The following GABPB1 variants were observed in gnomAD, a reference collection of about 807,000 sequenced individuals.
The protein encoded by GABPB1 is GA binding protein transcription factor subunit beta 1.
In GABPB1, 15 loss-of-function variants were observed where a neutral mutation model predicts 45.9. The observed-to-expected ratio is 0.33, with a 90% CI of 0.22 to 0.50. The LOEUF (loss-of-function observed/expected upper bound fraction) is 0.50. Ranked by LOEUF, GABPB1 falls within the 20% of genes least tolerant of loss-of-function variation. The pLI is 0.98. For missense variants in GABPB1, 252 were observed against 457.5 expected (o/e 0.55, Z 4.10); for synonymous variants, 143 against 154.4 (o/e 0.93, Z 0.55).
intron 6 of GABPB1, among the ~76,000 whole-genome samples, chr15:50,289,888 C>A (rs2046293919): frequency 6.6e-6 from 1 of 151,978 alleles, no homozygotes; most frequent in Admixed American, 6.6e-5. Context: ...CCTCTTGAAT[C>A]AGCCTCCCAA....
At chr15:50,289,070 T>C (rs1184328553) in intron 7 of GABPB1, among the ~76,000 whole-genome samples, 1 of 152,186 alleles carries the variant, frequency 6.6e-6, no homozygotes, top group South Asian at 2.1e-4. Flanking sequence ...CTTTTTCTTA[T>C]ATGGTATTTT....
rs2046814839 is a variant in GABPB1, at chr15:50,303,088, C to T, written c.312G>A (p.Lys104=). 6.2e-7 allele frequency: 1 copy of T among 1,613,070 alleles called. No homozygotes were observed. The highest frequency in any genetic ancestry group is 8.5e-7 in the Non-Finnish European group (1 of 1,179,806). The part of the protein sequence containing the change: ...GADVNAKDML[K]MTALHWATEH... ...CTGTGGCCCAATGGAGAGCTGTCAT[C>T]TTTAACATGTCCTTTGCATTGACAT... The change falls in exon 4 of 9, where the codon AAG becomes AAA. Residue 104 remains lysine (K), a synonymous_variant. Coordinates refer to ENST00000380877, the MANE Select transcript of GABPB1 (RefSeq NM_016654.5).
intron 1 of GABPB1, among the ~76,000 whole-genome samples, chr15:50,335,302 C>G (rs1009366198): frequency 1.3e-5 from 2 of 152,074 alleles, no homozygotes; most frequent in Admixed American, 1.3e-4. Flanking sequence ...TATATGGAGC[C>G]CAAGCCTAAT....
chr15:50,321,365 C>T (rs1044784042), intron 1 of GABPB1, among the ~76,000 whole-genome samples: 10 of 152,106 alleles, frequency 6.6e-5, no homozygotes, highest in Non-Finnish European at 1.2e-4. Context: ...CTAGATCTTC[C>T]AAAAGTCAAG....
At chr15:50,345,675 G>C (rs948254866) in intron 1 of GABPB1, among the ~76,000 whole-genome samples, 1 of 151,962 alleles carries the variant, frequency 6.6e-6, no homozygotes, top group Non-Finnish European at 1.5e-5. Context: ...CATCAAAATT[G>C]ATTTTTTTTC....
Position 50,350,248 on chromosome 15 carries a change from TTTC to T in GABPB1, c.-1+4734_-1+4736del, listed in dbSNP as rs950654560. The stretch of plus-strand genomic sequence containing the variant: ...CAGGTACCTTGAGCAAGCAACCTCA[TTTC>T]TCTATGCCTGTTTTTTCTTCTGAAA... On this transcript the variant is annotated intron_variant, in intron 1 of 8. Transcript: ENST00000380877. 19 of 151,622 alleles carry T rather than the reference TTTC, an allele frequency of 1.3e-4. 1 individual carries two copies. The highest frequency in any genetic ancestry group is 4.1e-4 in the African/African-American group (17 of 41,266). 9.4% of individuals were successfully genotyped at this position (151,622 alleles called of 1,614,324 possible).
At chr15:50,329,002 T>C (rs2047865004) in intron 1 of GABPB1, among the ~76,000 whole-genome samples, 1 of 152,228 alleles carries the variant, frequency 6.6e-6, no homozygotes, top group African/African-American at 2.4e-5. Context: ...TTATTCTCCT[T>C]ATTTCTTCTG....
At chr15:50,282,254 A>G (rs1275065602) in intron 8 of GABPB1, 1 of 453,990 alleles carries the variant, frequency 2.2e-6, no homozygotes. Flanking sequence ...CACTAATTTA[A>G]AAAAAGAGAG....
At chr15:50,278,875 A>AG (rs2045892649) in intron 8 of GABPB1, 91 bp from the exon 9 acceptor site, 1 of 1,008,782 alleles carries the variant, frequency 9.9e-7, no homozygotes, top group Non-Finnish European at 1.4e-6. Flanking sequence ...AAAAAAAAAA[A>AG]CCGTAGTAGC....
chr15:50,313,550 T>C (rs1356098838), intron 1 of GABPB1, among the ~76,000 whole-genome samples: 2 of 152,082 alleles, frequency 1.3e-5, no homozygotes, highest in Admixed American at 1.3e-4. Context: ...AGATTATATA[T>C]GCATACACAT....
intron 1 of GABPB1, 124 bp from the exon 2 acceptor site, chr15:50,309,922 G>T: frequency 9.1e-6 from 5 of 547,850 alleles, no homozygotes; most frequent in Non-Finnish European, 1.6e-5. Context: ...AGTGTGCTAT[G>T]GTTAATTTAA....
chr15:50,326,895 GAATACGCTTTCCTTCTA>G (rs1312548525), intron 1 of GABPB1, among the ~76,000 whole-genome samples: 1 of 151,934 alleles, frequency 6.6e-6, no homozygotes, highest in Non-Finnish European at 1.5e-5. Flanking sequence ...TTATGGTGCT[GAATACGCTTTCCTTCTA>G]AAAACCATAC....
intron 1 of GABPB1, among the ~76,000 whole-genome samples, chr15:50,322,478 G>C (rs1262571156): frequency 6.6e-6 from 1 of 151,900 alleles, no homozygotes; most frequent in Middle Eastern, 3.2e-3. Flanking sequence ...TCAAGGAGAT[G>C]GAGGTTGCAG....
intron 1 of GABPB1, among the ~76,000 whole-genome samples, chr15:50,334,267 C>G (rs1427596842): frequency 1.3e-5 from 2 of 151,616 alleles, no homozygotes; most frequent in Non-Finnish European, 2.9e-5. Context: ...TTCAAATGTC[C>G]CATTCTCTCT....
At chr15:50,297,671 C>T (rs1224968520) in intron 6 of GABPB1, among the ~76,000 whole-genome samples, 1 of 152,014 alleles carries the variant, frequency 6.6e-6, no homozygotes, top group Non-Finnish European at 1.5e-5. Context: ...CCCATCTCTA[C>T]TAAAAATACA....
intron 1 of GABPB1, among the ~76,000 whole-genome samples, chr15:50,318,721 A>T (rs2047439077): frequency 1.3e-5 from 2 of 152,350 alleles, no homozygotes; most frequent in South Asian, 4.1e-4. Flanking sequence ...ACAGGCTGGT[A>T]AGTCTCCTAA....
intron 8 of GABPB1, among the ~76,000 whole-genome samples, chr15:50,279,867 G>C (rs1316374437): frequency 6.6e-6 from 1 of 152,118 alleles, no homozygotes; most frequent in African/African-American, 2.4e-5. Flanking sequence ...CGACCACTGG[G>C]GAGGCACAGT....
intron 1 of GABPB1, among the ~76,000 whole-genome samples, chr15:50,321,982 C>CAAAAA (rs34649125): frequency 7.3e-6 from 1 of 136,320 alleles, no homozygotes; most frequent in Non-Finnish European, 1.6e-5. Flanking sequence ...CAGATGTGAC[C>CAAAAA]AAAAAAAAAA....
chr15:50,281,441 G>A (rs780705667), intron 8 of GABPB1, among the ~76,000 whole-genome samples: 4 of 152,120 alleles, frequency 2.6e-5, no homozygotes, highest in Admixed American at 2.6e-4. Flanking sequence ...TCAATCTCCT[G>A]ACCTCGTGAT....
Sources: gnomAD v4.1 joint callset for allele counts (sites outside exome capture counted in the v4.1 genomes callset) on GRCh38, gnomAD v4.1.1 for gene constraint, MANE v1.5 for transcripts, NCBI Gene and HGNC (gene_info 2026-07-23, HGNC 2026-07-21) for gene names.